SNTG1: variants seen among roughly 807,000 people sequenced by gnomAD.
The protein encoded by SNTG1 is gamma-1-syntrophin.
A neutral mutation model predicts 74.7 loss-of-function variants in SNTG1; 39 were observed. The observed-to-expected ratio is 0.52, with a 90% CI of 0.40 to 0.68. The LOEUF is 0.68. Among genes scored for constraint, SNTG1 ranks in the 30% least tolerant of loss-of-function variants. The pLI, the probability that SNTG1 is intolerant of heterozygous loss-of-function variation, is 0.00. For missense variants in SNTG1, 685 were observed against 609.5 expected, an observed-to-expected ratio of 1.12 and a Z score of -1.30; for synonymous variants, 254 against 217.1, an observed-to-expected ratio of 1.17 and a Z score of -1.49.
chr8:50,261,947 A>G (rs562840263), intron 2 of SNTG1, among the ~76,000 whole-genome samples: 6 of 152,306 alleles, frequency 3.9e-5, no homozygotes, highest in Non-Finnish European at 7.4e-5. Context: ...TTAAATGTCA[A>G]TGGTCTCTAT....
At chr8:50,390,214 T>C (rs1207044388) in intron 2 of SNTG1, among the ~76,000 whole-genome samples, 1 of 152,222 alleles carries the variant, frequency 6.6e-6, no homozygotes, top group Non-Finnish European at 1.5e-5. Context: ...TTTATAGTTT[T>C]AGGTCTAACA....
intron 15 of SNTG1, among the ~76,000 whole-genome samples, chr8:50,687,485 A>C (rs2095357797): frequency 1.3e-5 from 2 of 152,256 alleles, no homozygotes; most frequent in African/African-American, 4.8e-5. Context: ...CAGAGGTAGC[A>C]ATACTTGTAT....
intron 15 of SNTG1, among the ~76,000 whole-genome samples, chr8:50,661,424 C>A (rs1334550979): frequency 1.3e-5 from 2 of 152,116 alleles, no homozygotes; most frequent in Non-Finnish European, 2.9e-5. Context: ...CTTATGCGGC[C>A]ATCAGAAGTG....
chr8:50,510,903 G>T (rs1364521271), intron 9 of SNTG1, among the ~76,000 whole-genome samples: 3 of 152,022 alleles, frequency 2.0e-5, no homozygotes, highest in Non-Finnish European at 2.9e-5. Flanking sequence ...AGTTTTTTGT[G>T]TCTCTATTTC....
At chr8:50,688,490 C>A (rs2095362701) in intron 15 of SNTG1, among the ~76,000 whole-genome samples, 1 of 152,126 alleles carries the variant, frequency 6.6e-6, no homozygotes, top group Non-Finnish European at 1.5e-5. Context: ...GCCAGTTTTC[C>A]CAGCACCATT....
At chr8:50,144,466 G>A (rs2081784573) in intron 1 of SNTG1, among the ~76,000 whole-genome samples, 1 of 152,176 alleles carries the variant, frequency 6.6e-6, no homozygotes, top group Non-Finnish European at 1.5e-5. Flanking sequence ...GGAGCCAGCT[G>A]CATACAGATT....
intron 1 of SNTG1, among the ~76,000 whole-genome samples, chr8:50,042,803 G>T (rs1045078656): frequency 2.7e-5 from 4 of 150,908 alleles, no homozygotes; most frequent in African/African-American, 9.8e-5. Context: ...TTCCAGTGTT[G>T]CCCAGGCTAA....
intron 11 of SNTG1, among the ~76,000 whole-genome samples, chr8:50,537,598 A>C (rs140934812): frequency 7.6e-4 from 115 of 152,124 alleles, no homozygotes; most frequent in African/African-American, 2.4e-3. Flanking sequence ...TGAATCTCTT[A>C]ACTTGTATGT....
At chr8:50,597,086 C>T (rs1460139772) in intron 13 of SNTG1, among the ~76,000 whole-genome samples, 1 of 151,792 alleles carries the variant, frequency 6.6e-6, no homozygotes, top group Non-Finnish European at 1.5e-5. Context: ...CCCTCCCTAG[C>T]CTCTGGTAAC....
chr8:50,244,744 T>C (rs868025613), intron 2 of SNTG1, among the ~76,000 whole-genome samples: 4 of 152,286 alleles, frequency 2.6e-5, no homozygotes, highest in South Asian at 4.1e-4. Flanking sequence ...TCTTTGCCAA[T>C]GTAAGACCAC....
At chr8:50,331,065 T>A (rs1345255778) in intron 2 of SNTG1, among the ~76,000 whole-genome samples, 1 of 152,200 alleles carries the variant, frequency 6.6e-6, no homozygotes, top group East Asian at 1.9e-4. Context: ...GTTTCTATAT[T>A]TTTTATTTTC....
At chr8:50,309,128 T>C (rs552248767) in intron 2 of SNTG1, among the ~76,000 whole-genome samples, 41 of 152,314 alleles carry the variant, frequency 2.7e-4, no homozygotes, top group African/African-American at 9.1e-4. Context: ...AGCCCTTTAC[T>C]GAATTTAATC....
intron 12 of SNTG1, among the ~76,000 whole-genome samples, chr8:50,557,349 A>G (rs1227415981): frequency 6.6e-6 from 1 of 152,354 alleles, no homozygotes; most frequent in East Asian, 1.9e-4. Context: ...TTACACAGCA[A>G]TAGGGAACTG....
intron 1 of SNTG1, among the ~76,000 whole-genome samples, chr8:50,048,063 G>A (rs560401490): frequency 9.6e-4 from 146 of 152,074 alleles, no homozygotes; most frequent in Non-Finnish European, 1.8e-3. Context: ...ATCCTTGCAG[G>A]TGTAATACAT....
chr8:50,425,004 T>C (rs573125544), intron 4 of SNTG1, among the ~76,000 whole-genome samples: 17 of 152,306 alleles, frequency 1.1e-4, no homozygotes, highest in African/African-American at 3.4e-4. Flanking sequence ...TGTAGCATTG[T>C]TTATGAGAAA....
At chr8:50,748,150 T>C (rs1339317313) in intron 17 of SNTG1, among the ~76,000 whole-genome samples, 1 of 152,032 alleles carries the variant, frequency 6.6e-6, no homozygotes, top group Non-Finnish European at 1.5e-5. Context: ...ACCTGTAATA[T>C]CTAAGCTGAA....
intron 1 of SNTG1, among the ~76,000 whole-genome samples, chr8:50,106,150 G>T (rs190612595): frequency 3.3e-5 from 5 of 152,174 alleles, no homozygotes; most frequent in Non-Finnish European, 7.4e-5. Context: ...TAACAGTTCT[G>T]CAGGCTTAAC....
At chr8:50,075,536 A>T (rs1372824868) in intron 1 of SNTG1, among the ~76,000 whole-genome samples, 1 of 152,186 alleles carries the variant, frequency 6.6e-6, no homozygotes, top group Non-Finnish European at 1.5e-5. Flanking sequence ...GCTTTCTGTA[A>T]AATGGACCAA....
At chr8:50,244,016 A>C (rs2086281207) in intron 2 of SNTG1, among the ~76,000 whole-genome samples, 1 of 152,098 alleles carries the variant, frequency 6.6e-6, no homozygotes, top group Admixed American at 6.6e-5. Context: ...AAAGAGGTTT[A>C]ATTGGCTCCT....
Sources: allele counts gnomAD v4.1 joint callset (sites outside exome capture counted in the v4.1 genomes callset), GRCh38; gene constraint gnomAD v4.1.1; transcripts MANE v1.5; gene names NCBI Gene and HGNC (gene_info 2026-07-23, HGNC 2026-07-21).